Variants in DLG1 observed in about 807,000 individuals in gnomAD.
DLG1 encodes the protein discs large MAGUK scaffold protein 1.
A neutral mutation model predicts 123.4 loss-of-function variants in DLG1; 42 were observed. That is an observed-to-expected ratio of 0.34 (90% confidence interval 0.27 to 0.44). DLG1 has a LOEUF of 0.44. Among genes scored for constraint, DLG1 ranks in the 20% least tolerant of loss-of-function variants. DLG1 has a pLI of 1.00. For synonymous variants in DLG1, 317 were observed against 356.2 expected (o/e 0.89, Z 1.24); for missense variants, 942 against 1,082.6 (o/e 0.87, Z 1.82).
intron 11 of DLG1, among the ~76,000 whole-genome samples, chr3:197,125,063 C>G (rs762665884): frequency 1.2e-4 from 18 of 152,222 alleles, no homozygotes; most frequent in South Asian, 8.3e-4. Context: ...CATTAAAACA[C>G]AAGTGAAAGT....
At chr3:197,273,231 TA>T (rs1311438320) in intron 4 of DLG1, among the ~76,000 whole-genome samples, 3 of 150,848 alleles carry the variant, frequency 2.0e-5, no homozygotes, top group Admixed American at 6.6e-5. Flanking sequence ...TATATATATA[TA>T]TTTTTTTCTT....
chr3:197,149,650 T>C (rs893188644), intron 6 of DLG1, 93 bp downstream of exon 6: 40 of 819,574 alleles, frequency 4.9e-5, no homozygotes, highest in Non-Finnish European at 6.5e-6. Flanking sequence ...AGAAATGTAT[T>C]AGAGAAAACA....
intron 4 of DLG1, among the ~76,000 whole-genome samples, chr3:197,273,558 A>G (rs984924707): frequency 6.6e-6 from 1 of 151,930 alleles, no homozygotes; most frequent in African/African-American, 2.4e-5. Flanking sequence ...TTTTAACTCT[A>G]CTGCCTCCTA....
At chr3:197,183,686 T>C (rs1713965756) in intron 5 of DLG1, 2 of 1,550,522 alleles carry the variant, frequency 1.3e-6, no homozygotes, top group South Asian at 1.2e-5. Flanking sequence ...GCAGTTCATC[T>C]GACGAGCCCT....
At chr3:197,101,208 G>A (rs1319732390) in intron 14 of DLG1, among the ~76,000 whole-genome samples, 1 of 152,206 alleles carries the variant, frequency 6.6e-6, no homozygotes, top group Non-Finnish European at 1.5e-5. Flanking sequence ...CCGTTTAACA[G>A]TTGTGTAACT....
At position 197,136,656 on chromosome 3, in the gene DLG1, T is replaced by G. The variant is rs146460812; in HGVS notation, c.906A>C (p.Gly302=). 6.6e-5 allele frequency: 107 copies of G among 1,612,602 alleles called. No individual in the cohort carries two copies. In the Middle Eastern group the frequency reaches 8.3e-4, roughly 12 times the overall value. ...CAGGAATATGCTGATTTCCAACACC[T>G]CCAGCAATGCTAAACCCAAGACCTG... ...GPKGLGFSIA[G]GVGNQHIPGD... Residue 302 remains glycine, a synonymous_variant, in exon 10 of 25, where the codon GGA becomes GGC. Transcript: ENST00000667157.
chr3:197,116,211 G>GT (rs1361457191), intron 12 of DLG1, 128 bp from the exon 13 acceptor site: 1 of 710,166 alleles, frequency 1.4e-6, no homozygotes, highest in Non-Finnish European at 2.1e-6. Flanking sequence ...AATATAAATG[G>GT]TTTTTCTAAA....
At chr3:197,183,990 T>C (rs1428125893) in intron 5 of DLG1, 1 of 1,418,256 alleles carries the variant, frequency 7.1e-7, no homozygotes, top group Non-Finnish European at 9.2e-7. Flanking sequence ...AGAGCTCGTA[T>C]CTTCCCTCTG....
intron 5 of DLG1, among the ~76,000 whole-genome samples, chr3:197,167,377 CAA>C (rs1801978679): frequency 6.6e-6 from 1 of 152,112 alleles, no homozygotes. Context: ...TATACTCATA[CAA>C]AAGTGTCTCC....
At chr3:197,293,709 G>A (rs1490061640) in intron 3 of DLG1, among the ~76,000 whole-genome samples, 1 of 151,926 alleles carries the variant, frequency 6.6e-6, no homozygotes, top group African/African-American at 2.4e-5. Context: ...AATGCAGACT[G>A]AAAATCCAAA....
intron 13 of DLG1, among the ~76,000 whole-genome samples, chr3:197,114,590 A>G (rs982957861): frequency 2.0e-5 from 3 of 152,242 alleles, no homozygotes; most frequent in African/African-American, 7.2e-5. Flanking sequence ...AAGGGCTTGC[A>G]CACTAAGGTG....
At chr3:197,107,443 G>A (rs1271089001) in intron 13 of DLG1, among the ~76,000 whole-genome samples, 1 of 152,040 alleles carries the variant, frequency 6.6e-6, no homozygotes, top group Non-Finnish European at 1.5e-5. Context: ...TACTTGGGAG[G>A]CTGAGGCAGG....
intron 4 of DLG1, among the ~76,000 whole-genome samples, chr3:197,255,074 A>G (rs1433430580): frequency 2.6e-5 from 4 of 152,042 alleles, no homozygotes; most frequent in Non-Finnish European, 5.9e-5. Context: ...AAAATCTATG[A>G]CCTGTTCAAG....
chr3:197,258,917 T>C (rs992702390), intron 4 of DLG1, among the ~76,000 whole-genome samples: 2 of 152,176 alleles, frequency 1.3e-5, no homozygotes, highest in African/African-American at 2.4e-5. Context: ...GCTTTAACAG[T>C]TATATAATAA....
intron 4 of DLG1, among the ~76,000 whole-genome samples, chr3:197,281,299 A>G (rs1579296169): frequency 6.6e-6 from 1 of 152,054 alleles, no homozygotes; most frequent in African/African-American, 2.4e-5. Context: ...TTGGCCTCCC[A>G]AAGTGCTGGG....
At chr3:197,154,118 T>C (rs1169986842) in intron 5 of DLG1, among the ~76,000 whole-genome samples, 1 of 149,242 alleles carries the variant, frequency 6.7e-6, no homozygotes, top group Non-Finnish European at 1.5e-5. Context: ...CTGGCCAACA[T>C]ACTGAAACCC....
chr3:197,173,590 C>G (rs1805405077), intron 5 of DLG1, among the ~76,000 whole-genome samples: 1 of 152,094 alleles, frequency 6.6e-6, no homozygotes, highest in African/African-American at 2.4e-5. Context: ...TTTATTGTTA[C>G]CACTACATTT....
Position 197,262,608 on chromosome 3 carries a change from C to A in DLG1, c.318+20071G>T, listed in dbSNP as rs147124254. Among the ~76,000 whole-genome samples, 9 of 152,296 alleles carry A rather than the reference C, an allele frequency of 5.9e-5. No individual in the cohort carries two copies. The East Asian group carries it at 1.7e-3, about 29-fold the overall frequency. ...TCTAAATGGGGGCAGTCTTGTGGGG[C>A]TGAGCCCCCAACCTGTGGGATCTGA... is the stretch of plus-strand genomic sequence containing the variant. On this transcript the variant is annotated intron_variant, in intron 4 of 24. Coordinates refer to ENST00000667157, the MANE Select transcript of DLG1 (RefSeq NM_001366207.1).
At chr3:197,050,550 C>T (rs950053424) in intron 24 of DLG1, among the ~76,000 whole-genome samples, 13 of 152,094 alleles carry the variant, frequency 8.5e-5, no homozygotes, top group Admixed American at 5.2e-4. Flanking sequence ...TGTGGAGGAC[C>T]TTATGCTATA....
Sources: allele counts gnomAD v4.1 joint callset (sites outside exome capture counted in the v4.1 genomes callset), GRCh38; gene constraint gnomAD v4.1.1; transcripts MANE v1.5; gene names NCBI Gene and HGNC (gene_info 2026-07-23, HGNC 2026-07-21).